ARHGEF17: variants seen among roughly 807,000 people sequenced by gnomAD.
The protein encoded by ARHGEF17 is 164 kDa Rho-specific guanine-nucleotide exchange factor.
Under a neutral mutation model 174.0 loss-of-function variants are expected in ARHGEF17, and 80 were observed. That is an observed-to-expected ratio of 0.46 (90% CI 0.38 to 0.55). ARHGEF17 has a LOEUF of 0.55. Ranked by LOEUF, ARHGEF17 falls within the 20% of genes least tolerant of loss-of-function variation. The pLI, the probability that ARHGEF17 is intolerant of heterozygous loss-of-function variation, is 0.00. For synonymous variants in ARHGEF17, 1,311 were observed against 1,189.1 expected (o/e 1.10, Z -2.11); for missense variants, 2,886 against 2,839.7 (o/e 1.02, Z -0.37).
intron 3 of ARHGEF17, among the ~76,000 whole-genome samples, chr11:73,353,626 G>GA (rs1203023310): frequency 6.6e-6 from 1 of 152,102 alleles, no homozygotes; most frequent in African/African-American, 2.4e-5. Flanking sequence ...TTACAGTTAG[G>GA]AAGTGGTGGA....
intron 1 of ARHGEF17, among the ~76,000 whole-genome samples, chr11:73,342,493 A>G (rs1015527577): frequency 1.3e-5 from 2 of 152,238 alleles, no homozygotes; most frequent in South Asian, 4.1e-4. Flanking sequence ...ACGATGGATC[A>G]TGTTCGTTTC....
At chr11:73,362,859 G>T in intron 14 of ARHGEF17, 125 bp downstream of exon 14, 1 of 1,213,270 alleles carries the variant, frequency 8.2e-7, no homozygotes. Context: ...TTAGCACACA[G>T]AGCAATGAGG....
intron 1 of ARHGEF17, among the ~76,000 whole-genome samples, chr11:73,327,640 C>T (rs1865123268): frequency 6.6e-6 from 1 of 152,204 alleles, no homozygotes; most frequent in Non-Finnish European, 1.5e-5. Flanking sequence ...GAGAGACCAG[C>T]ATGTGCAAAG....
intron 1 of ARHGEF17, among the ~76,000 whole-genome samples, chr11:73,334,545 A>G (rs181712635): frequency 1.0e-3 from 154 of 152,288 alleles, no homozygotes; most frequent in African/African-American, 3.6e-3. Context: ...AGTGGGGAAG[A>G]CAGCCTCTTT....
chr11:73,308,301 A>C lies in ARHGEF17; in HGVS notation c.-338A>C, dbSNP rs1005085084. 1 of 257,336 alleles carries C rather than the reference A, an allele frequency of 3.9e-6. No homozygotes were observed. Among genetic ancestry groups the C allele is most frequent in the African/African-American group, 2.2e-5 (1 of 45,078 alleles). 15.9% of individuals were successfully genotyped at this position (257,336 alleles called of 1,614,324 possible). On this transcript the variant is annotated 5_prime_UTR_variant, in exon 1 of 21. Transcript: ENST00000263674. The stretch of plus-strand genomic sequence containing the variant: ...AAAAGGGTGCCAGGAGCGAGCAGCC[A>C]AGGGCGTTGGGCAGGCGGACGCAGA...
rs986188768 is a variant in ARHGEF17 at position 73,309,018 on chromosome 11, C to G, written c.380C>G (p.Thr127Ser). Residue 127 changes from threonine to serine, a missense_variant, in exon 1 of 21, where the codon ACC becomes AGC. This residue lies in a region of ARHGEF17 where 1,728 missense variants were observed against 1,461.2 expected (regional missense o/e 1.18). Transcript: ENST00000263674. ...GCGCGAGGAGCCTGGCCCAGCGTCA[C>G]CGAGATGCGCAAGCTCTTCGGCGGT... ...GPARGAWPSV[T>S]EMRKLFGGPG... 19 of 1,418,482 alleles carry G rather than the reference C, an allele frequency of 1.3e-5. No homozygotes were observed. The African/African-American group carries it at 2.4e-4, about 18-fold the overall frequency. 87.9% of individuals were successfully genotyped at this position (1,418,482 alleles called of 1,614,324 possible).
intron 1 of ARHGEF17, among the ~76,000 whole-genome samples, chr11:73,312,919 A>T (rs1216904767): frequency 1.3e-5 from 2 of 152,036 alleles, no homozygotes; most frequent in Non-Finnish European, 2.9e-5. Flanking sequence ...TTCAGATGGG[A>T]TCCAGATGGC....
chr11:73,308,750 T>A lies in ARHGEF17; in HGVS notation c.112T>A (p.Leu38Met). ...GGAGGAGGACACGGACACCCCCGGC[T>A]TGAGGCGACGCGCCTCGTGCCGGCC... ...LREEDTDTPG[L>M]RRRASCRPTT... The change falls in exon 1 of 21, where the codon TTG (leucine) becomes ATG (methionine). Residue 38 changes from leucine to methionine, a missense_variant. Physicochemically the swap from Leu to Met is conservative, Grantham distance 15 (BLOSUM62 2). Around this residue, in one of 4 missense-constraint regions of ARHGEF17, gnomAD observed 1,728 missense variants for 1,461.2 expected, o/e 1.18. Coordinates refer to ENST00000263674, the MANE Select transcript of ARHGEF17 (RefSeq NM_014786.4). 1 of 1,479,494 alleles carries A rather than the reference T, an allele frequency of 6.8e-7. No individual in the cohort carries two copies. Among genetic ancestry groups the A allele is most frequent in the Admixed American group, 2.5e-5 (1 of 39,528 alleles). 91.6% of individuals were successfully genotyped at this position (1,479,494 alleles called of 1,614,324 possible).
At position 73,309,974 on chromosome 11, in the gene ARHGEF17, T is replaced by C. The variant is rs1353251345; in HGVS notation, c.1336T>C (p.Leu446=). 2 of 1,613,954 alleles carry C rather than the reference T, an allele frequency of 1.2e-6. No homozygotes were observed. The highest frequency in any genetic ancestry group is 1.7e-6 in the Non-Finnish European group (2 of 1,179,992). ...AKGPGGTSRA[L]RDGGFEPEKS... is the part of the protein sequence containing the mutation. ...AGGACCTGGAGGCACCTCTAGGGCATTGAGGGATGGAGGATTTGAGCCTGA... is the reference window on the plus strand; with the variant it reads ...AGGACCTGGAGGCACCTCTAGGGCACTGAGGGATGGAGGATTTGAGCCTGA... The change falls in exon 1 of 21, where the codon TTG becomes CTG. Residue 446 remains leucine, a synonymous_variant. Transcript: ENST00000263674.
intron 18 of ARHGEF17, chr11:73,364,937 C>T (rs1865810640): frequency 9.4e-6 from 3 of 320,798 alleles, no homozygotes; most frequent in Non-Finnish European, 1.7e-5. Context: ...GCATTTATTG[C>T]TGCACATGTC....
Position 73,308,522 on chromosome 11 carries a change from C to G in ARHGEF17, c.-117C>G. Reference sequence around the variant, plus strand: ...TCTGCTCCGGTCTCTGCGTCCTCTTCCCACACTCCCGTGCGCTGCTTTCGG... The same window carrying G: ...TCTGCTCCGGTCTCTGCGTCCTCTTGCCACACTCCCGTGCGCTGCTTTCGG... On this transcript the variant is annotated 5_prime_UTR_variant, in exon 1 of 21. Transcript: ENST00000263674. 1 of 925,832 alleles carries G rather than the reference C, an allele frequency of 1.1e-6. No individual in the cohort carries two copies. The highest frequency in any genetic ancestry group is 1.5e-6 in the Non-Finnish European group (1 of 679,348). 57.4% of individuals were successfully genotyped at this position (925,832 alleles called of 1,614,324 possible).
In ARHGEF17 at chr11:73,310,793, G is replaced by A. The variant is rs1351275270; in HGVS notation, c.2155G>A (p.Gly719Arg). The A allele has an allele frequency of 4.3e-6, 7 of 1,612,264 alleles. No individual in the cohort carries two copies. Among genetic ancestry groups the A allele is most frequent in the South Asian group, 1.1e-5 (1 of 91,052 alleles). ...CAAAGTCCCACCTTCAGGTTCTGGT[G>A]GGAGCGAATTGAGCAATGGGGAGGC... ...RRKVPPSGSG[G>R]SELSNGEAGE... The change falls in exon 1 of 21, where the codon GGG (glycine) becomes AGG (arginine). Residue 719 changes from glycine (G) to arginine (R), a missense_variant. Coordinates refer to ENST00000263674, the MANE Select transcript of ARHGEF17 (RefSeq NM_014786.4).
intron 12 of ARHGEF17, 95 bp from the exon 13 acceptor site, chr11:73,361,945 T>G: frequency 6.9e-7 from 1 of 1,450,354 alleles, no homozygotes; most frequent in East Asian, 2.4e-5. Context: ...CATGCAGGCC[T>G]GCCTCCCTCC....
intron 1 of ARHGEF17, among the ~76,000 whole-genome samples, chr11:73,345,976 G>A (rs1172032534): frequency 6.6e-6 from 1 of 152,018 alleles, no homozygotes; most frequent in African/African-American, 2.4e-5. Context: ...TGAGGGGAGA[G>A]GTGTAGGGAC....
chr11:73,319,749 T>G (rs554710211), intron 1 of ARHGEF17, among the ~76,000 whole-genome samples: 1 of 152,220 alleles, frequency 6.6e-6, no homozygotes, highest in Non-Finnish European at 1.5e-5. Flanking sequence ...CGGGGAAAAC[T>G]TGGACACCAT....
intron 2 of ARHGEF17, among the ~76,000 whole-genome samples, chr11:73,347,410 G>A (rs890244938): frequency 1.3e-5 from 2 of 152,190 alleles, no homozygotes; most frequent in Non-Finnish European, 2.9e-5. Flanking sequence ...GGAGCTCACC[G>A]CCCTGCTGAG....
Position 73,367,895 on chromosome 11 carries a change from C to A in ARHGEF17, c.*115C>A. 1 of 1,125,882 alleles carries A rather than the reference C, an allele frequency of 8.9e-7. No individual in the cohort carries two copies. Among genetic ancestry groups the A allele is most frequent in the African/African-American group, 1.6e-5 (1 of 64,500 alleles). 69.7% of individuals were successfully genotyped at this position (1,125,882 alleles called of 1,614,324 possible). On this transcript the variant is annotated 3_prime_UTR_variant, in exon 21 of 21. Coordinates refer to ENST00000263674, the MANE Select transcript of ARHGEF17 (RefSeq NM_014786.4). ...TATCCAGCCAGGGGCACACATGTGC[C>A]TGCGTGGGCTCTGCCTTGTCTTCGC...
At position 73,310,411 on chromosome 11, in the gene ARHGEF17, T is replaced by C; in HGVS notation, c.1773T>C (p.Tyr591=). 6.2e-7 allele frequency: 1 copy of C among 1,613,930 alleles called. No homozygotes were observed. Among genetic ancestry groups the C allele is most frequent in the Non-Finnish European group, 8.5e-7 (1 of 1,180,006 alleles). The change falls in exon 1 of 21, where the codon TAT becomes TAC. Residue 591 remains tyrosine (Y), a synonymous_variant. Coordinates refer to ENST00000263674, the MANE Select transcript of ARHGEF17 (RefSeq NM_014786.4). ...TGCCCCTCATCGTCCAGGACCAATA[T>C]GTGCAGGAGGCCCGCCAGGTTTTTG... ...DPLPLIVQDQ[Y]VQEARQVFEK... is the part of the protein sequence containing the mutation.
rs781320455 is a variant in ARHGEF17, at chr11:73,311,552, C to A, written c.2914C>A (p.Pro972Thr). Residue 972 changes from proline to threonine, a missense_variant, in exon 1 of 21, where the codon CCT (proline) becomes ACT (threonine). Pro to Thr is a conservative substitution (Grantham distance 38). This residue lies in a region of ARHGEF17 where 1,728 missense variants were observed against 1,461.2 expected (regional missense o/e 1.18). Transcript: ENST00000263674. ...VPATFMPIVV[P>T]EPPTSVGPPV... ...CGCCACATTTATGCCTATTGTGGTG[C>A]CTGAGCCACCAACTTCTGTTGGTCC... is the stretch of plus-strand genomic sequence containing the variant. 1.2e-6 allele frequency: 2 copies of A among 1,613,622 alleles called. No homozygotes were observed. Among genetic ancestry groups the A allele is most frequent in the Non-Finnish European group, 1.7e-6 (2 of 1,180,032 alleles).
Sources: allele counts gnomAD v4.1 joint callset (sites outside exome capture counted in the v4.1 genomes callset), GRCh38; gene constraint gnomAD v4.1.1; regional missense constraint gnomAD v4.1.1; transcripts MANE v1.5; gene names NCBI Gene and HGNC (gene_info 2026-07-23, HGNC 2026-07-21).